Variants in ZP1 observed in about 807,000 individuals in gnomAD.
ZP1 encodes the protein zona pellucida sperm-binding protein 1.
A neutral mutation model predicts 67.4 loss-of-function variants in ZP1; 58 were observed. That is an observed-to-expected ratio of 0.86 (90% CI 0.70 to 1.07). The LOEUF (loss-of-function observed/expected upper bound fraction) is 1.07. ZP1 is among the 50% of genes least tolerant of loss of function. The pLI, the probability that ZP1 is intolerant of heterozygous loss-of-function variation, is 0.00. For missense variants in ZP1, 759 were observed against 807.3 expected (o/e 0.94, Z 0.72); for synonymous variants, 333 against 332.7 (o/e 1.00, Z -0.01).
intron 4 of ZP1, 97 bp from the exon 5 acceptor site, chr11:60,870,857 TCTC>T: frequency 7.5e-7 from 1 of 1,334,092 alleles, no homozygotes. Context: ...AAGCGTCCAT[TCTC>T]CTAGACCGGC....
At chr11:60,868,945 A>AC (rs1274407751) in intron 1 of ZP1, among the ~76,000 whole-genome samples, 200 bp from the exon 2 acceptor site, 3 of 151,892 alleles carry the variant, frequency 2.0e-5, no homozygotes, top group Non-Finnish European at 4.4e-5. Flanking sequence ...AGATCCTAAG[A>AC]CCCTCCCATC....
Position 60,867,657 on chromosome 11 carries a change from T to C in ZP1, c.96T>C (p.Pro32=). The C allele has an allele frequency of 1.2e-6, 2 of 1,614,026 alleles. No individual in the cohort carries two copies. Among genetic ancestry groups the C allele is most frequent in the South Asian group, 1.1e-5 (1 of 91,062 alleles). ...LGLGRWLQPD[P]GLPGLRHSYD... is the part of the protein sequence containing the mutation. Reference sequence around the variant, plus strand: ...TGGGTAGGTGGCTCCAGCCCGACCCTGGCCTCCCAGGCCTCCGGCACAGCT... The same window carrying C: ...TGGGTAGGTGGCTCCAGCCCGACCCCGGCCTCCCAGGCCTCCGGCACAGCT... The change falls in exon 1 of 12, where the codon CCT becomes CCC. Residue 32 remains proline (P), a synonymous_variant. Coordinates refer to ENST00000278853, the MANE Select transcript of ZP1 (RefSeq NM_207341.4).
Position 60,869,864 on chromosome 11 carries a change from T to G in ZP1, c.646T>G (p.Leu216Val). Residue 216 changes from leucine (L) to valine (V), a missense_variant, in exon 3 of 12, where the codon TTG becomes GTG. By Grantham distance (32) the Leu-to-Val change is conservative. Transcript: ENST00000278853. ...CCTGGCTCAACCCCACTGGGGCACC[T>G]TGGAACACTGGGATGTGAACAAACG... ...ATLAQPHWGT[L>V]EHWDVNKRDY... 6.3e-7 allele frequency: 1 copy of G among 1,585,118 alleles called. No individual in the cohort carries two copies. The highest frequency in any genetic ancestry group is 8.6e-7 in the Non-Finnish European group (1 of 1,164,604).
At chr11:60,873,065 A>C in intron 6 of ZP1, 97 bp from the exon 7 acceptor site, 1 of 1,380,432 alleles carries the variant, frequency 7.2e-7, no homozygotes, top group Non-Finnish European at 9.8e-7. Context: ...ACAGTACCCT[A>C]TTTGTTGCAC....
intron 6 of ZP1, 162 bp from the exon 7 acceptor site, chr11:60,873,000 A>C: frequency 1.3e-6 from 1 of 791,720 alleles, no homozygotes; most frequent in East Asian, 2.6e-5. Flanking sequence ...GAGCTTCCTG[A>C]GCCTGCCTTG....
Position 60,873,693 on chromosome 11 carries a change from C to A in ZP1, c.1490C>A (p.Pro497His). The change falls in exon 9 of 12, where the codon CCT becomes CAT. Residue 497 changes from proline (P) to histidine (H), a missense_variant. Physicochemically the swap from Pro to His is moderately conservative, Grantham distance 77 (BLOSUM62 -2). Coordinates refer to ENST00000278853, the MANE Select transcript of ZP1 (RefSeq NM_207341.4). ...TQMVALDGAT[P>H]FQSHYQRFTV... is the part of the protein sequence containing the mutation. ...ATGGTAGCCTTGGACGGGGCCACAC[C>A]TTTCCAGTCGCACTACCAGCGATTC... The A allele has an allele frequency of 6.2e-7, 1 of 1,614,202 alleles. No homozygotes were observed. Among genetic ancestry groups the A allele is most frequent in the Non-Finnish European group, 8.5e-7 (1 of 1,180,040 alleles).
Position 60,870,991 on chromosome 11 carries a change from C to T in ZP1, c.861C>T (p.Val287=), listed in dbSNP as rs1439768269. 1.2e-6 allele frequency: 2 copies of T among 1,614,058 alleles called. No homozygotes were observed. The highest frequency in any genetic ancestry group is 1.7e-5 in the Admixed American group (1 of 60,012). Reference sequence around the variant, plus strand: ...AGTGCTTCAGAGATGGCTACTTCGTCCTCGTGGTGTCCCAAGAAATGGCCT... The same window carrying T: ...AGTGCTTCAGAGATGGCTACTTCGTTCTCGTGGTGTCCCAAGAAATGGCCT... ...TVQCFRDGYF[V]LVVSQEMALT... is the part of the protein sequence containing the mutation. The change falls in exon 5 of 12, where the codon GTC becomes GTT. Residue 287 remains valine, a synonymous_variant. Transcript: ENST00000278853.
chr11:60,872,359 G>A (rs1051380308), intron 6 of ZP1, among the ~76,000 whole-genome samples: 4 of 152,114 alleles, frequency 2.6e-5, no homozygotes, highest in Non-Finnish European at 4.4e-5. Flanking sequence ...AGAAGTCAGG[G>A]GGAAACAGCT....
At position 60,869,902 on chromosome 11, in the gene ZP1, T is replaced by C. The variant is rs1203251416; in HGVS notation, c.682+2T>C. ...ATGTGAACAAACGAGATTACATAGG[T>C]ACGCAGGACATCTGAGTGTACTTAC... On this transcript the variant is annotated splice_donor_variant, in intron 3 of 11. Transcript: ENST00000278853. LOFTEE classifies it high-confidence loss of function. 9.7e-6 allele frequency: 15 copies of C among 1,542,616 alleles called. No individual in the cohort carries two copies. The South Asian group carries it at 1.8e-4, about 18-fold the overall frequency.
In ZP1 at chr11:60,873,749, G is replaced by A; in HGVS notation, c.1546G>A (p.Gly516Ser). 1.2e-6 allele frequency: 2 copies of A among 1,614,052 alleles called. No homozygotes were observed. Among genetic ancestry groups the A allele is most frequent in the Non-Finnish European group, 1.7e-6 (2 of 1,180,028 alleles). Residue 516 changes from glycine to serine, a missense_variant, in exon 9 of 12, where the codon GGC (glycine) becomes AGC (serine). Gly to Ser is a moderately conservative substitution (Grantham distance 56). Coordinates refer to ENST00000278853, the MANE Select transcript of ZP1 (RefSeq NM_207341.4). The stretch of plus-strand genomic sequence containing the variant: ...TGCTACCTTCGCCCTCCTGGACTCA[G>A]GCTCCCAGAGAGCCCTCAGAGGACT... ...TVATFALLDS[G>S]SQRALRGLVY...
At position 60,867,550 on chromosome 11, in the gene ZP1, C is replaced by A; in HGVS notation, c.-12C>A. On this transcript the variant is annotated 5_prime_UTR_variant, in exon 1 of 12. The change creates a new upstream start codon in the 5' untranslated region. Coordinates refer to ENST00000278853, the MANE Select transcript of ZP1 (RefSeq NM_207341.4). ...GGTGGCGAGGGAGTAGGGGGTGTGT[C>A]TGTGGCGTCTCATGGCAGGAGGCTC... 1 of 1,603,914 alleles carries A rather than the reference C, an allele frequency of 6.2e-7. No individual in the cohort carries two copies. Among genetic ancestry groups the A allele is most frequent in the South Asian group, 1.1e-5 (1 of 90,136 alleles).
intron 6 of ZP1, 111 bp from the exon 7 acceptor site, chr11:60,873,051 C>A: frequency 7.9e-7 from 1 of 1,271,548 alleles, no homozygotes; most frequent in Non-Finnish European, 1.1e-6. Context: ...ATCTGCCCTG[C>A]TGGACAGTAC....
chr11:60,870,968 T>C lies in ZP1; in HGVS notation c.838T>C (p.Cys280Arg). The change falls in exon 5 of 12, where the codon TGC becomes CGC. Residue 280 changes from cysteine (C) to arginine (R), a missense_variant. By Grantham distance (180) the Cys-to-Arg change is radical. Coordinates refer to ENST00000278853, the MANE Select transcript of ZP1 (RefSeq NM_207341.4). The stretch of plus-strand genomic sequence containing the variant: ...TGCCTTTGTCCCAGCTACTGTCCAG[T>C]GCTTCAGAGATGGCTACTTCGTCCT... ...CYYGNTATVQ[C>R]FRDGYFVLVV... 6.2e-7 allele frequency: 1 copy of C among 1,613,786 alleles called. No homozygotes were observed. The highest frequency in any genetic ancestry group is 8.5e-7 in the Non-Finnish European group (1 of 1,179,776).
rs568071812 is a variant in ZP1 at position 60,870,473 on chromosome 11, C to A, written c.824C>A (p.Thr275Lys). The A allele has an allele frequency of 6.2e-7, 1 of 1,603,506 alleles. No homozygotes were observed. The highest frequency in any genetic ancestry group is 2.3e-5 in the East Asian group (1 of 44,426). ...GAGGTTCCCTGTTACTATGGCAACA[C>A]AGGTACAACCTCCCACCCCAGCAAG... is the stretch of plus-strand genomic sequence containing the variant. ...TREVPCYYGN[T>K]ATVQCFRDGY... Residue 275 changes from threonine (T) to lysine (K), a missense_variant and splice_region_variant, in exon 4 of 12, where the codon ACA becomes AAA. Thr to Lys is a moderately conservative substitution (Grantham distance 78, BLOSUM62 -1). Transcript: ENST00000278853.
At position 60,873,274 on chromosome 11, in the gene ZP1, C is replaced by T; in HGVS notation, c.1225C>T (p.Leu409=). 6.3e-7 allele frequency: 1 copy of T among 1,584,308 alleles called. No individual in the cohort carries two copies. Residue 409 remains leucine, a synonymous_variant, in exon 7 of 12, where the codon CTG becomes TTG. Transcript: ENST00000278853. ...CCAGCCCGGCCCCCTGCGGCTTGAG[C>T]TGCGGATTGCCAAAGGTATGCTATG... ...MTQPGPLRLE[L]RIAKDETFSS...
chr11:60,874,964 ACACCT>A lies in ZP1; in HGVS notation c.1607_1611del (p.Thr536ArgfsTer10). On this transcript the variant is annotated frameshift_variant, in exon 10 of 12. Coordinates refer to ENST00000278853, the MANE Select transcript of ZP1 (RefSeq NM_207341.4). LOFTEE classifies it high-confidence loss of function. ...TTGTTCTGCAGCACCTCTGCCTGCC[ACACCT>A]CAGGGCTGGAGACTTGCTCCACTGC... 1 of 1,614,220 alleles carries A rather than the reference ACACCT, an allele frequency of 6.2e-7. No individual in the cohort carries two copies. The highest frequency in any genetic ancestry group is 8.5e-7 in the Non-Finnish European group (1 of 1,180,038).
intron 1 of ZP1, 136 bp from the exon 2 acceptor site, chr11:60,869,009 C>A: frequency 9.6e-7 from 1 of 1,045,194 alleles, no homozygotes; most frequent in Non-Finnish European, 1.4e-6. Context: ...TGCCCAAGAC[C>A]ACACAACAAA....
rs767278679 is a variant in ZP1 at position 60,873,167 on chromosome 11, A to G, written c.1118A>G (p.His373Arg). 4.4e-6 allele frequency: 7 copies of G among 1,581,284 alleles called. No individual in the cohort carries two copies. The highest frequency in any genetic ancestry group is 1.2e-5 in the South Asian group (1 of 84,698). ...CTCTTGCACGTGGACTTCAGGCTTC[A>G]TGTGCGCTGTGTCTTCAACGCCAGT... is the stretch of plus-strand genomic sequence containing the variant. ...SITRDSTFQL[H>R]VRCVFNASDF... The change falls in exon 7 of 12, where the codon CAT becomes CGT. Residue 373 changes from histidine (H) to arginine (R), a missense_variant. Transcript: ENST00000278853.
At chr11:60,871,414 A>G in intron 6 of ZP1, 100 bp downstream of exon 6, 1 of 1,313,706 alleles carries the variant, frequency 7.6e-7, no homozygotes. Flanking sequence ...GCTCAAACCC[A>G]GGCTCTGCTG....
Sources: gnomAD v4.1 joint callset for allele counts (sites outside exome capture counted in the v4.1 genomes callset) on GRCh38, gnomAD v4.1.1 for gene constraint, MANE v1.5 for transcripts, NCBI Gene and HGNC (gene_info 2026-07-23, HGNC 2026-07-21) for gene names.